RFX4: variants seen among roughly 807,000 people sequenced by gnomAD.
The protein encoded by RFX4 is transcription factor RFX4.
Under a neutral mutation model 95.0 loss-of-function variants are expected in RFX4, and 10 were observed. The observed-to-expected ratio is 0.11, with a 90% CI of 0.06 to 0.18. The LOEUF (loss-of-function observed/expected upper bound fraction) is 0.18, where lower values mean the gene tolerates loss of function less well. Ranked by LOEUF, RFX4 falls within the 10% of genes least tolerant of loss-of-function variation. The pLI, the probability that RFX4 is intolerant of heterozygous loss-of-function variation, is 1.00. For synonymous variants in RFX4, 321 were observed against 340.7 expected, an observed-to-expected ratio of 0.94 and a Z score of 0.64; for missense variants, 640 against 922.0, an observed-to-expected ratio of 0.69 and a Z score of 3.96.
intron 3 of RFX4, among the ~76,000 whole-genome samples, chr12:106,643,112 A>G (rs2040665983): frequency 6.6e-6 from 1 of 152,234 alleles, no homozygotes; most frequent in Non-Finnish European, 1.5e-5. Context: ...CCCATTGTCC[A>G]TCACTGAATA....
intron 2 of RFX4, among the ~76,000 whole-genome samples, chr12:106,635,293 TA>T (rs34627734): frequency 3.9e-5 from 6 of 152,146 alleles, no homozygotes; most frequent in Non-Finnish European, 8.8e-5. Context: ...TTTTCTTGTT[TA>T]AAAAAATACA....
chr12:106,633,187 C>A (rs1470329205), intron 2 of RFX4, among the ~76,000 whole-genome samples: 1 of 152,148 alleles, frequency 6.6e-6, no homozygotes, highest in African/African-American at 2.4e-5. Flanking sequence ...AGGAAAGGAG[C>A]CAGCAGAGGT....
At chr12:106,633,059 A>G (rs1360794795) in intron 2 of RFX4, among the ~76,000 whole-genome samples, 1 of 152,224 alleles carries the variant, frequency 6.6e-6, no homozygotes, top group Non-Finnish European at 1.5e-5. Context: ...GCACTTCAGG[A>G]GAACTGAGAT....
Position 106,721,132 on chromosome 12 carries a change from A to G in RFX4, c.1351+256A>G, listed in dbSNP as rs2042388654. Among the ~76,000 whole-genome samples, 2 of 152,072 alleles carry G rather than the reference A, an allele frequency of 1.3e-5. 1 individual carries two copies. Among genetic ancestry groups the G allele is most frequent in the South Asian group, 4.2e-4 (2 of 4,808 alleles). On this transcript the variant is annotated intron_variant, in intron 13 of 17. Coordinates refer to ENST00000392842, the MANE Select transcript of RFX4 (RefSeq NM_213594.3). ...CTGAGCTTAAAGAAGAATAAATTGC[A>G]GTGGCTGTACTCCCCATGCCTAGAT...
At chr12:106,684,677 A>G in intron 5 of RFX4, 1 of 1,456,202 alleles carries the variant, frequency 6.9e-7, no homozygotes, top group South Asian at 1.4e-5. Flanking sequence ...CACCGGAACC[A>G]TGCTCCTCCC....
At chr12:106,709,455 T>C in intron 9 of RFX4, 25 bp downstream of exon 9, 1 of 1,558,660 alleles carries the variant, frequency 6.4e-7, no homozygotes, top group Non-Finnish European at 8.7e-7. Context: ...GAGAGCGGGA[T>C]GGAAGAGAGA....
chr12:106,706,569 C>T (rs1219273037), intron 8 of RFX4, among the ~76,000 whole-genome samples: 7 of 151,904 alleles, frequency 4.6e-5, no homozygotes. Context: ...GGATACTTGC[C>T]TAAAGAAATT....
At chr12:106,624,735 G>C (rs1334185279) in intron 2 of RFX4, among the ~76,000 whole-genome samples, 2 of 152,082 alleles carry the variant, frequency 1.3e-5, no homozygotes, top group Non-Finnish European at 2.9e-5. Flanking sequence ...TTACTATCTG[G>C]CTCTATGCAG....
chr12:106,747,360 G>A, intron 15 of RFX4, 77 bp from the exon 16 acceptor site: 3 of 1,526,864 alleles, frequency 2.0e-6, no homozygotes, highest in East Asian at 2.3e-5. Context: ...TAAGAACAAA[G>A]GGAAGCCACT....
chr12:106,701,334 C>T (rs565247024), intron 8 of RFX4, among the ~76,000 whole-genome samples: 4 of 152,208 alleles, frequency 2.6e-5, no homozygotes, highest in South Asian at 4.2e-4. Flanking sequence ...TTCAGCTGTT[C>T]GACCATGATG....
At chr12:106,620,213 G>A (rs931565739) in intron 2 of RFX4, among the ~76,000 whole-genome samples, 4 of 152,162 alleles carry the variant, frequency 2.6e-5, no homozygotes, top group African/African-American at 9.7e-5. Flanking sequence ...AAGTTGCAGA[G>A]CCTCTGGGTG....
In RFX4 at chr12:106,747,417, G is replaced by A. The variant is rs758282118; in HGVS notation, c.1634-20G>A. ...TATGAGAACTGTTAATGATCAAGAC[G>A]TCTTAATTTGTCTCTGCAGGAGCAA... On this transcript the variant is annotated intron_variant, in intron 15 of 17. Transcript: ENST00000392842. The A allele has an allele frequency of 7.8e-5, 126 of 1,610,040 alleles. 2 individuals carry two copies. The Middle Eastern group carries it at 1.0e-3, about 13-fold the overall frequency.
At chr12:106,704,357 AG>A (rs1219909705) in intron 8 of RFX4, among the ~76,000 whole-genome samples, 2 of 152,258 alleles carry the variant, frequency 1.3e-5, no homozygotes, top group Non-Finnish European at 2.9e-5. Context: ...TTAGCCTGCA[AG>A]GCTTACAAAT....
chr12:106,721,781 C>T (rs1456249388), intron 13 of RFX4, among the ~76,000 whole-genome samples: 1 of 152,218 alleles, frequency 6.6e-6, no homozygotes, highest in Non-Finnish European at 1.5e-5. Context: ...TTCTCATTAT[C>T]TCCAATTAAG....
At chr12:106,742,906 C>G (rs779138088) in intron 15 of RFX4, among the ~76,000 whole-genome samples, 12 of 152,190 alleles carry the variant, frequency 7.9e-5, no homozygotes, top group Non-Finnish European at 1.0e-4. Context: ...GTTGGATGAT[C>G]ATTAATTCAT....
In RFX4 at chr12:106,761,220, C is replaced by T. The variant is rs1279442782; in HGVS notation, c.1959C>T (p.Ser653=). ...AGTACCCTTTTAATAGCCCCACTTC[C>T]CGGATGGAACCTTGTTTGATGAGCA... ...SAQYPFNSPT[S]RMEPCLMSST... Residue 653 remains serine (S), a synonymous_variant, in exon 18 of 18, where the codon TCC becomes TCT. Transcript: ENST00000392842. 1 of 1,613,496 alleles carries T rather than the reference C, an allele frequency of 6.2e-7. No individual in the cohort carries two copies. Among genetic ancestry groups the T allele is most frequent in the East Asian group, 2.2e-5 (1 of 44,862 alleles).
chr12:106,680,679 A>G (rs2137395606), intron 4 of RFX4: 1 of 152,344 alleles, frequency 6.6e-6, no homozygotes, highest in Admixed American at 6.5e-5. Flanking sequence ...ATGCCTGCTC[A>G]GTGCTGTACC....
At chr12:106,710,337 C>T (rs1014694276) in intron 9 of RFX4, among the ~76,000 whole-genome samples, 1 of 152,148 alleles carries the variant, frequency 6.6e-6, no homozygotes, top group African/African-American at 2.4e-5. Context: ...TTGATAAAGC[C>T]TGCTTTATTT....
At position 106,719,996 on chromosome 12, in the gene RFX4, C is replaced by A. The variant is rs941148054; in HGVS notation, c.1175C>A (p.Ser392Tyr). ...TTTGACCATCTCTTGGAGGAGCAGT[C>A]TCCCATCGAGTCCTACATTGAGTGG... ...QEFDHLLEEQ[S>Y]PIESYIEWLD... Residue 392 changes from serine to tyrosine, a missense_variant, in exon 12 of 18, where the codon TCT (serine) becomes TAT (tyrosine). Transcript: ENST00000392842. 1.2e-6 allele frequency: 2 copies of A among 1,614,198 alleles called. No homozygotes were observed. Among genetic ancestry groups the A allele is most frequent in the Admixed American group, 1.7e-5 (1 of 60,024 alleles).
Sources: allele counts gnomAD v4.1 joint callset (sites outside exome capture counted in the v4.1 genomes callset), GRCh38; gene constraint gnomAD v4.1.1; transcripts MANE v1.5; gene names NCBI Gene and HGNC (gene_info 2026-07-23, HGNC 2026-07-21).